NSD2: variants seen among roughly 807,000 people sequenced by gnomAD.
NSD2 encodes histone-lysine N-methyltransferase NSD2.
A neutral mutation model predicts 139.0 loss-of-function variants in NSD2; 12 were observed. The ratio of observed to expected loss-of-function variants is 0.09; its 90% CI spans 0.06 to 0.14. The LOEUF (loss-of-function observed/expected upper bound fraction) is 0.14. Ranked by LOEUF, NSD2 falls within the 10% of genes least tolerant of loss-of-function variation. The probability of loss-of-function intolerance (pLI) is 1.00; values close to 1 mark genes in which losing one functional copy is unlikely to be tolerated. For missense variants in NSD2, 1,155 were observed against 1,745.0 expected (o/e 0.66, Z 6.02); for synonymous variants, 669 against 648.7 (o/e 1.03, Z -0.48).
At chr4:1,911,959 T>C (rs1718751807) in intron 3 of NSD2, 1 of 191,882 alleles carries the variant, frequency 5.2e-6, no homozygotes, top group African/African-American at 2.4e-5. Flanking sequence ...TTGTGTGTGC[T>C]GTTACAGGTT....
At chr4:1,903,791 G>T (rs1577397528) in intron 2 of NSD2, among the ~76,000 whole-genome samples, 1 of 149,130 alleles carries the variant, frequency 6.7e-6, no homozygotes, top group East Asian at 2.0e-4. Context: ...CTGGAGTGCA[G>T]TGGCGTGATC....
At chr4:1,946,704 G>A in intron 9 of NSD2, 1 of 1,042,150 alleles carries the variant, frequency 9.6e-7, no homozygotes, top group Admixed American at 5.6e-5. Flanking sequence ...AATTTACCTG[G>A]CAGTGATGTC....
chr4:1,891,060 A>T (rs1466745253), intron 1 of NSD2, among the ~76,000 whole-genome samples: 1 of 152,046 alleles, frequency 6.6e-6, no homozygotes, highest in African/African-American at 2.4e-5. Context: ...CGCCCAGCTA[A>T]GTTTTGTATG....
At chr4:1,899,967 A>T (rs970035897) in intron 1 of NSD2, among the ~76,000 whole-genome samples, 1 of 152,222 alleles carries the variant, frequency 6.6e-6, no homozygotes, top group African/African-American at 2.4e-5. Flanking sequence ...TACTGGGTTG[A>T]GCATAGCCAG....
rs1720562917 is a variant in NSD2 at position 1,924,344 on chromosome 4, C to T, written c.1410+5721C>T. Among the ~76,000 whole-genome samples, 3 of 152,048 alleles carry T rather than the reference C, an allele frequency of 2.0e-5. No homozygotes were observed. The South Asian group carries it at 6.2e-4, about 32-fold the overall frequency. ...GCTGTATGCTCTTGGGCCCTGGAAG[C>T]AGGGTAAGGCGGTGTCGGGTGGGAA... On this transcript the variant is annotated intron_variant, in intron 5 of 21. Coordinates refer to ENST00000508803, the MANE Select transcript of NSD2 (RefSeq NM_001042424.3).
intron 9 of NSD2, chr4:1,947,836 GATTT>G (rs1723794526): frequency 9.5e-7 from 1 of 1,049,958 alleles, no homozygotes. Flanking sequence ...GTTGTGAAGG[GATTT>G]GTTTTGTCAA....
intron 1 of NSD2, among the ~76,000 whole-genome samples, chr4:1,875,424 G>A (rs1299173155): frequency 6.6e-6 from 1 of 151,734 alleles, no homozygotes; most frequent in African/African-American, 2.4e-5. Flanking sequence ...TGGGACAACA[G>A]GCATGTGCCA....
rs866490551 is a variant in NSD2 at position 1,976,810 on chromosome 4, G to T, written c.3826+131G>T. 5.1e-5 allele frequency: 48 copies of T among 943,532 alleles called. No individual in the cohort carries two copies. The highest frequency in any genetic ancestry group is 3.3e-4 in the Middle Eastern group (1 of 2,994). 58.4% of individuals were successfully genotyped at this position (943,532 alleles called of 1,614,324 possible). A position where few individuals can be genotyped will look rare whatever the true frequency, so the allele number is the denominator to read the frequency against. ...CACATCAGGCGCTCATGCAGCGAAG[G>T]CCCTGATCCAGGGTGGCAGAGCCTT... On this transcript the variant is annotated intron_variant, in intron 21 of 21. Coordinates refer to ENST00000508803, the MANE Select transcript of NSD2 (RefSeq NM_001042424.3). The surrounding 1 kb of genome is among the most constrained non-coding windows in gnomAD (Gnocchi z 5.3).
intron 1 of NSD2, among the ~76,000 whole-genome samples, chr4:1,876,922 G>A (rs1714305489): frequency 6.6e-6 from 1 of 151,976 alleles, no homozygotes; most frequent in African/African-American, 2.4e-5. Flanking sequence ...GATCACCTGA[G>A]GTCAGGAGTT....
In NSD2 at chr4:1,918,464, C is replaced by T; in HGVS notation, c.1251C>T (p.Asp417=). ...CAGAGACCCTGGAGAGTCACCCCGA[C>T]ATAGGGAAGAGTACTCCTCAAAAGA... ...SSAETLESHP[D]IGKSTPQKTA... The change falls in exon 5 of 22, where the codon GAC becomes GAT. Residue 417 remains aspartate (D), a synonymous_variant. Transcript: ENST00000508803. The T allele has an allele frequency of 6.2e-7, 1 of 1,614,010 alleles. No homozygotes were observed. The highest frequency in any genetic ancestry group is 8.5e-7 in the Non-Finnish European group (1 of 1,180,006).
chr4:1,916,382 G>A (rs1307961664), intron 3 of NSD2, among the ~76,000 whole-genome samples: 1 of 151,598 alleles, frequency 6.6e-6, no homozygotes, highest in East Asian at 1.9e-4. Flanking sequence ...GTCTAGCTCT[G>A]TCACCCAGGC....
chr4:1,892,339 TTC>T (rs1187962652), intron 1 of NSD2: 1 of 152,174 alleles, frequency 6.6e-6, no homozygotes, highest in Admixed American at 6.6e-5. Flanking sequence ...TTCCCCCTGC[TTC>T]TGAGAGTGGA....
At chr4:1,926,440 A>C (rs532455437) in intron 5 of NSD2, among the ~76,000 whole-genome samples, 1 of 151,604 alleles carries the variant, frequency 6.6e-6, no homozygotes, top group East Asian at 1.9e-4. Context: ...GGTGTGAGCC[A>C]CCGTGCCTGG....
At chr4:1,925,018 C>T (rs1720677017) in intron 5 of NSD2, among the ~76,000 whole-genome samples, 1 of 152,220 alleles carries the variant, frequency 6.6e-6, no homozygotes. Flanking sequence ...ATGGGGCCTC[C>T]CTTCCCTCCC....
intron 10 of NSD2, 35 bp downstream of exon 10, chr4:1,951,238 G>GGT: frequency 6.2e-7 from 1 of 1,612,652 alleles, no homozygotes; most frequent in Non-Finnish European, 8.5e-7. Flanking sequence ...TGTCCGTGCT[G>GGT]GTGTCTGACT....
intron 1 of NSD2, chr4:1,887,542 CATA>C (rs1460683615): frequency 6.6e-6 from 1 of 152,228 alleles, no homozygotes; most frequent in African/African-American, 2.4e-5. Flanking sequence ...GTGGCACGAT[CATA>C]GCTCACTGTA....
At chr4:1,978,119 T>C (rs1727304736) in intron 21 of NSD2, among the ~76,000 whole-genome samples, 1 of 150,946 alleles carries the variant, frequency 6.6e-6, no homozygotes, top group African/African-American at 2.5e-5. Flanking sequence ...AGAGCTAGAC[T>C]CCATCTCAAA....
rs568497507 is a variant in NSD2, at chr4:1,979,343, G to A, written c.*434G>A. 3.8e-5 allele frequency: 9 copies of A among 238,926 alleles called. No homozygotes were observed. The highest frequency in any genetic ancestry group is 5.7e-5 in the Non-Finnish European group (7 of 122,350). The allele number at this position is 238,926 out of a possible 1,614,324, so 14.8% of individuals were successfully genotyped here. A position where few individuals can be genotyped will look rare whatever the true frequency, so the allele number is the denominator to read the frequency against. ...CTGGCTCTCAGCGCCGTCGCCACTC[G>A]GGAGAGGCTGGGTGAGGCCCGTGTG... On this transcript the variant is annotated 3_prime_UTR_variant, in exon 22 of 22. Coordinates refer to ENST00000508803, the MANE Select transcript of NSD2 (RefSeq NM_001042424.3).
At chr4:1,935,642 T>C (rs1722298797) in intron 7 of NSD2, among the ~76,000 whole-genome samples, 1 of 152,060 alleles carries the variant, frequency 6.6e-6, no homozygotes, top group Admixed American at 6.5e-5. Flanking sequence ...GGTGGATTGC[T>C]TGAGGTCAGG....
Sources: gnomAD v4.1 joint callset for allele counts (sites outside exome capture counted in the v4.1 genomes callset) on GRCh38, gnomAD v4.1.1 for gene constraint, Gnocchi (gnomAD v3.1) non-coding constraint, MANE v1.5 for transcripts, NCBI Gene and HGNC (gene_info 2026-07-23, HGNC 2026-07-21) for gene names.